The following CARS1 variants were observed in gnomAD, a reference collection of about 807,000 sequenced individuals.
CARS1 encodes cysteine--tRNA ligase, cytoplasmic.
A neutral mutation model predicts 106.2 loss-of-function variants in CARS1; 48 were observed. The observed-to-expected ratio is 0.45, with a 90% CI of 0.36 to 0.57. The LOEUF (loss-of-function observed/expected upper bound fraction) is 0.57, where lower values mean the gene tolerates loss of function less well. Among genes scored for constraint, CARS1 ranks in the 20% least tolerant of loss-of-function variants. The probability of loss-of-function intolerance (pLI) is 0.00; values close to 1 mark genes in which losing one functional copy is unlikely to be tolerated. For synonymous variants in CARS1, 409 were observed against 403.4 expected (o/e 1.01, Z -0.17); for missense variants, 968 against 1,057.2 (o/e 0.92, Z 1.17).
chr11:3,032,453 GC>G lies in CARS1; in HGVS notation c.802-3011del, dbSNP rs1200246138. 2.6e-4 allele frequency among the ~76,000 whole-genome samples: 39 copies of G among 152,234 alleles called. No homozygotes were observed. The South Asian group carries it at 5.6e-3, about 22-fold the overall frequency. ...ATTGGGGACAGTCTTATGGGACTGA[GC>G]CCTTCAACCTGTCAGATCTGACGCT... On this transcript the variant is annotated intron_variant, in intron 7 of 22. Coordinates refer to ENST00000380525, the MANE Select transcript of CARS1 (RefSeq NM_001014437.3).
At position 3,019,633 on chromosome 11, in the gene CARS1, TA is replaced by T. The variant is rs1473018910; in HGVS notation, c.1267-367del. Among the ~76,000 whole-genome samples the T allele has an allele frequency of 6.6e-6, 1 of 150,782 alleles. No homozygotes were observed. The highest frequency in any genetic ancestry group is 1.5e-5 in the Non-Finnish European group (1 of 67,770). ...GCAGGAGAATTGCTTGAACCGGGAC[TA>T]GGAGGCAGAGGTTGCAGTGAGCTGA... On this transcript the variant is annotated intron_variant, in intron 11 of 22. Transcript: ENST00000380525. This position sits in a 1 kb window ranked among gnomAD's most constrained non-coding sequence, Gnocchi z 6.2.
Position 3,046,961 on chromosome 11 carries a change from A to G in CARS1, c.274+792T>C, listed in dbSNP as rs146150484. Among the ~76,000 whole-genome samples, 343 of 152,308 alleles carry G rather than the reference A, an allele frequency of 2.3e-3. 2 individuals are homozygous for G. Among genetic ancestry groups the G allele is most frequent in the African/African-American group, 7.8e-3 (326 of 41,556 alleles). On this transcript the variant is annotated intron_variant, in intron 2 of 22. Coordinates refer to ENST00000380525, the MANE Select transcript of CARS1 (RefSeq NM_001014437.3). This position sits in a 1 kb window ranked among gnomAD's most constrained non-coding sequence, Gnocchi z 5.8. ...ACAGACATCATCTCAAAGAGAAAAAATGACTTATTTCTGATTTTTAAAAAG... is the reference window on the plus strand; with the variant it reads ...ACAGACATCATCTCAAAGAGAAAAAGTGACTTATTTCTGATTTTTAAAAAG...
Position 3,038,084 on chromosome 11 carries a change from C to T in CARS1, c.767G>A (p.Arg256Lys), listed in dbSNP as rs553501826. ...GCTGTTGACTTCCTCTCCCGTGAGT[C>T]TGGACTGCACAGCTTTCTCAAGTGG... The part of the protein sequence containing the change: ...TEPLEKAVQS[R>K]LTGEEVNSCV... The change falls in exon 7 of 23, where the codon AGA becomes AAA. Residue 256 changes from arginine (R) to lysine (K), a missense_variant. By Grantham distance (26) the Arg-to-Lys change is conservative. Coordinates refer to ENST00000380525, the MANE Select transcript of CARS1 (RefSeq NM_001014437.3). This position sits in a 1 kb window ranked among gnomAD's most constrained non-coding sequence, Gnocchi z 4.0. 3 of 1,614,102 alleles carry T rather than the reference C, an allele frequency of 1.9e-6. No homozygotes were observed. Among genetic ancestry groups the T allele is most frequent in the Non-Finnish European group, 1.7e-6 (2 of 1,179,942 alleles).
At chr11:3,032,048 C>T (rs397832295) in intron 7 of CARS1, among the ~76,000 whole-genome samples, 1 of 15,612 alleles carries the variant, frequency 6.4e-5, no homozygotes, top group South Asian at 4.4e-3. Flanking sequence ...CCCTCCCTCC[C>T]TCCCTCCCTC....
At position 3,045,073 on chromosome 11, in the gene CARS1, G is replaced by C. The variant is rs187353444; in HGVS notation, c.274+2680C>G. Among the ~76,000 whole-genome samples, 121 of 152,144 alleles carry C rather than the reference G, an allele frequency of 8.0e-4. No individual in the cohort carries two copies. The highest frequency in any genetic ancestry group is 2.1e-3 in the African/African-American group (89 of 41,540). The stretch of plus-strand genomic sequence containing the variant: ...GGGTATAGCTGACACTCCTTCCCGG[G>C]GGGTAGGGAGAGGCCGGCGGGCTGG... On this transcript the variant is annotated intron_variant, in intron 2 of 22. Coordinates refer to ENST00000380525, the MANE Select transcript of CARS1 (RefSeq NM_001014437.3). The surrounding 1 kb of genome is among the most constrained non-coding windows in gnomAD (Gnocchi z 5.6).
chr11:3,012,590 G>C (rs958497010), intron 17 of CARS1, among the ~76,000 whole-genome samples: 1 of 152,234 alleles, frequency 6.6e-6, no homozygotes, highest in Non-Finnish European at 1.5e-5. Context: ...CAGACACGCT[G>C]CTGTGAAACA....
In CARS1 at chr11:3,026,795, T is replaced by C; in HGVS notation, c.1034A>G (p.Tyr345Cys). 4 of 1,610,124 alleles carry C rather than the reference T, an allele frequency of 2.5e-6. No individual in the cohort carries two copies. Among genetic ancestry groups the C allele is most frequent in the Admixed American group, 1.7e-5 (1 of 59,526 alleles). ...AAAGTAGACAGACCCATTGGAGACA[T>C]AGCTGGAAAACAGAAAAGGAATTGG... ...VQKIVDNGYG[Y>C]VSNGSVYFDT... The change falls in exon 10 of 23, where the codon TAT (tyrosine) becomes TGT (cysteine). Residue 345 changes from tyrosine to cysteine, a missense_variant and splice_region_variant. By Grantham distance (194) the Tyr-to-Cys change is radical. Transcript: ENST00000380525.
At chr11:3,054,699 T>C (rs1856020468) in intron 1 of CARS1, among the ~76,000 whole-genome samples, 1 of 152,180 alleles carries the variant, frequency 6.6e-6, no homozygotes, top group Non-Finnish European at 1.5e-5. Context: ...AGGATTCTCA[T>C]CTGTACAAGA....
At chr11:3,015,939 G>A in intron 16 of CARS1, 90 bp from the exon 17 acceptor site, 1 of 1,110,216 alleles carries the variant, frequency 9.0e-7, no homozygotes, top group Non-Finnish European at 1.4e-6. Flanking sequence ...TCGTTCACGG[G>A]AGGGGGTGCC....
At chr11:3,055,062 A>G (rs897204520) in intron 1 of CARS1, 23 of 667,864 alleles carry the variant, frequency 3.4e-5, no homozygotes, top group Admixed American at 1.7e-4. Context: ...TGAGATCAGG[A>G]AAGAGAAATA....
Position 3,001,985 on chromosome 11 carries a change from G to C in CARS1, c.2346C>G (p.Ser782=), listed in dbSNP as rs1849438314. ...ACATGCTTACATTTTCATCAAACTT[G>C]GAGTATTTGTCGGTTTCTGACAAGA... The part of the protein sequence containing the change: ...EMFLSETDKY[S]KFDENGLPTH... Residue 782 remains serine, a synonymous_variant, in exon 22 of 23, where the codon TCC becomes TCG. Transcript: ENST00000380525. 4 of 1,612,424 alleles carry C rather than the reference G, an allele frequency of 2.5e-6. No homozygotes were observed. Among genetic ancestry groups the C allele is most frequent in the Non-Finnish European group, 3.4e-6 (4 of 1,178,526 alleles).
intron 1 of CARS1, among the ~76,000 whole-genome samples, chr11:3,056,761 C>A (rs925630585): frequency 6.6e-6 from 1 of 152,184 alleles, no homozygotes; most frequent in Non-Finnish European, 1.5e-5. Flanking sequence ...TGTCTCCCCC[C>A]TAAAGGCCAG....
rs1343063769 is a variant in CARS1 at position 3,019,285 on chromosome 11, C to G, written c.1267-18G>C. On this transcript the variant is annotated intron_variant, in intron 11 of 22. Transcript: ENST00000380525. The surrounding 1 kb of genome is among the most constrained non-coding windows in gnomAD (Gnocchi z 6.2). ...GGACGACCCTGGAGAAAGCCGAACA[C>G]ACAGTGACTGACCAGCCTACCCGCT... 1 of 1,393,988 alleles carries G rather than the reference C, an allele frequency of 7.2e-7. No homozygotes were observed. The highest frequency in any genetic ancestry group is 1.5e-5 in the African/African-American group (1 of 67,696). 86.4% of individuals were successfully genotyped at this position (1,393,988 alleles called of 1,614,324 possible). A position where few individuals can be genotyped will look rare whatever the true frequency, so the allele number is the denominator to read the frequency against.
chr11:3,015,086 CAGA>C (rs1022689508), intron 17 of CARS1, among the ~76,000 whole-genome samples: 2 of 152,234 alleles, frequency 1.3e-5, no homozygotes, highest in African/African-American at 2.4e-5. Flanking sequence ...GGTTCTACAG[CAGA>C]AGGACAGGAC....
intron 1 of CARS1, among the ~76,000 whole-genome samples, chr11:3,051,803 T>C (rs1215003568): frequency 1.3e-5 from 2 of 152,180 alleles, no homozygotes; most frequent in African/African-American, 2.4e-5. Flanking sequence ...GTCCCCTCCC[T>C]GAGCCTTGGT....
At chr11:3,026,535 A>G (rs1340868805) in intron 10 of CARS1, 141 bp downstream of exon 10, 1 of 821,390 alleles carries the variant, frequency 1.2e-6, no homozygotes, top group African/African-American at 1.7e-5. Context: ...GAAAACTCCT[A>G]AAATTCCTTC....
In CARS1 at chr11:3,029,719, G is replaced by T; in HGVS notation, c.802-276C>A. 1 of 477,192 alleles carries T rather than the reference G, an allele frequency of 2.1e-6. No homozygotes were observed. The allele number at this position is 477,192 out of a possible 1,614,324, so 29.6% of individuals were successfully genotyped here. A position where few individuals can be genotyped will look rare whatever the true frequency, so the allele number is the denominator to read the frequency against. ...GGCAAAAAGAGGTGGGAGGGCCGAG[G>T]TGGGCCTGGTGAGCATGTGCAGCCT... On this transcript the variant is annotated intron_variant, in intron 7 of 22. Coordinates refer to ENST00000380525, the MANE Select transcript of CARS1 (RefSeq NM_001014437.3). This position sits in a 1 kb window ranked among gnomAD's most constrained non-coding sequence, Gnocchi z 5.9.
chr11:3,049,799 CGT>C (rs1290116082), intron 1 of CARS1, among the ~76,000 whole-genome samples: 2 of 152,232 alleles, frequency 1.3e-5, no homozygotes, highest in African/African-American at 4.8e-5. Context: ...CCCCCATCTC[CGT>C]GTTTACTCCT....
Position 3,012,135 on chromosome 11 carries a change from G to A in CARS1, c.2068+60C>T, listed in dbSNP as rs371599020. ...CCATAGTGCCTCGGGGGAGACGCCCGGTCCGGGGAGCCCAGTGAGGGGAGT... is the reference window on the plus strand; with the variant it reads ...CCATAGTGCCTCGGGGGAGACGCCCAGTCCGGGGAGCCCAGTGAGGGGAGT... On this transcript the variant is annotated intron_variant, in intron 18 of 22. Coordinates refer to ENST00000380525, the MANE Select transcript of CARS1 (RefSeq NM_001014437.3). 7.0e-5 allele frequency: 102 copies of A among 1,466,950 alleles called. 1 individual carries two copies. The African/African-American group carries it at 8.2e-4, about 12-fold the overall frequency. The allele number at this position is 1,466,950 out of a possible 1,614,324, so 90.9% of individuals were successfully genotyped here.
Sources: gnomAD v4.1 joint callset for allele counts (sites outside exome capture counted in the v4.1 genomes callset) on GRCh38, gnomAD v4.1.1 for gene constraint, Gnocchi (gnomAD v3.1) non-coding constraint, MANE v1.5 for transcripts, NCBI Gene and HGNC (gene_info 2026-07-23, HGNC 2026-07-21) for gene names.